ATP8B4: variants seen among roughly 807,000 people sequenced by gnomAD.
ATP8B4 encodes the protein probable phospholipid-transporting ATPase IM.
ATP8B4 carries 133 observed loss-of-function variants against 145.6 expected under a neutral mutation model. That is an observed-to-expected ratio of 0.91 (90% CI 0.79 to 1.05). The LOEUF is 1.05. Among genes scored for constraint, ATP8B4 ranks in the 50% least tolerant of loss-of-function variants. ATP8B4 has a pLI of 0.00. For missense variants in ATP8B4, 1,458 were observed against 1,425.2 expected, an observed-to-expected ratio of 1.02 and a Z score of -0.37; for synonymous variants, 507 against 492.9, an observed-to-expected ratio of 1.03 and a Z score of -0.38.
In ATP8B4 at chr15:50,047,453, G is replaced by C. The variant is rs773097840; in HGVS notation, c.99C>G (p.Ile33Met). ...TGAGAATATTATATTTCGATGTGTGGATACGATTATCCTGGAAAAGAAATA... is the reference window on the plus strand; with the variant it reads ...TGAGAATATTATATTTCGATGTGTGCATACGATTATCCTGGAAAAGAAATA... ...NEKFQYADNR[I>M]HTSKYNILTF... Residue 33 changes from isoleucine (I) to methionine (M), a missense_variant, in exon 4 of 28, where the codon ATC becomes ATG. Physicochemically the swap from Ile to Met is conservative, Grantham distance 10. Transcript: ENST00000284509. 1.7e-5 allele frequency: 26 copies of C among 1,561,368 alleles called. No homozygotes were observed. Among genetic ancestry groups the C allele is most frequent in the Non-Finnish European group, 2.3e-5 (26 of 1,132,266 alleles).
At chr15:50,097,760 C>G (rs910215976) in intron 2 of ATP8B4, among the ~76,000 whole-genome samples, 8 of 152,112 alleles carry the variant, frequency 5.3e-5, no homozygotes, top group African/African-American at 1.9e-4. Context: ...CTGGACAACA[C>G]TATTTTTGTA....
chr15:49,879,756 G>C (rs1382376396), intron 23 of ATP8B4: 3 of 223,048 alleles, frequency 1.3e-5, no homozygotes, highest in Non-Finnish European at 8.7e-6. Context: ...GGACACGTAT[G>C]AGCCCCTGAC....
intron 14 of ATP8B4, among the ~76,000 whole-genome samples, chr15:49,953,302 A>C (rs2043262728): frequency 6.6e-6 from 1 of 152,100 alleles, no homozygotes; most frequent in African/African-American, 2.4e-5. Context: ...CCTCAGAACA[A>C]CCAGGAGGAG....
intron 6 of ATP8B4, among the ~76,000 whole-genome samples, chr15:50,032,844 A>G (rs577523306): frequency 6.6e-6 from 1 of 152,306 alleles, no homozygotes; most frequent in East Asian, 1.9e-4. Flanking sequence ...AAATAGTAAC[A>G]ATAATTACTT....
chr15:50,002,390 C>T (rs191933275), intron 7 of ATP8B4, among the ~76,000 whole-genome samples, 167 bp from the exon 8 acceptor site: 1 of 152,230 alleles, frequency 6.6e-6, no homozygotes, highest in Non-Finnish European at 1.5e-5. Context: ...GAACCAAACC[C>T]TCCCTCTTCC....
In ATP8B4 at chr15:49,925,916, G is replaced by A. The variant is rs115514012; in HGVS notation, c.1643-2422C>T. ...TCTTAAATAAACTAAAAAGGACATA[G>A]TTTTAAATGGTCACGATAACATATG... is the stretch of plus-strand genomic sequence containing the variant. On this transcript the variant is annotated intron_variant, in intron 16 of 27. Transcript: ENST00000284509. Among the ~76,000 whole-genome samples the A allele has an allele frequency of 2.2e-3, 329 of 152,206 alleles. 2 individuals carry two copies. Among genetic ancestry groups the A allele is most frequent in the African/African-American group, 7.8e-3 (322 of 41,546 alleles).
At chr15:49,980,039 T>C (rs924180497) in intron 11 of ATP8B4, among the ~76,000 whole-genome samples, 1 of 152,180 alleles carries the variant, frequency 6.6e-6, no homozygotes, top group Non-Finnish European at 1.5e-5. Context: ...GGAACAGTCA[T>C]TATCCCCACT....
At chr15:49,901,062 A>T (rs370593921) in intron 21 of ATP8B4, 30 bp downstream of exon 21, 7 of 1,603,108 alleles carry the variant, frequency 4.4e-6, no homozygotes, top group Admixed American at 1.7e-5. Flanking sequence ...GTGAAGAAAA[A>T]GAAAGGACAA....
At chr15:50,106,091 A>T (rs542884139) in intron 2 of ATP8B4, among the ~76,000 whole-genome samples, 84 of 152,338 alleles carry the variant, frequency 5.5e-4, no homozygotes, top group African/African-American at 2.0e-3. Context: ...GTATCCAATA[A>T]GAGAATGAAG....
intron 3 of ATP8B4, 134 bp downstream of exon 3, chr15:50,073,993 T>C (rs932372052): frequency 6.4e-6 from 4 of 625,328 alleles, no homozygotes; most frequent in African/African-American, 1.8e-5. Context: ...TATGGAAATA[T>C]ATGTCACCTT....
At chr15:49,996,858 C>A in intron 8 of ATP8B4, 99 bp from the exon 9 acceptor site, 1 of 788,820 alleles carries the variant, frequency 1.3e-6, no homozygotes, top group East Asian at 2.7e-5. Flanking sequence ...AAGCCAAACC[C>A]AAGAGATCCA....
At chr15:49,868,855 T>C (rs1477397652) in intron 25 of ATP8B4, among the ~76,000 whole-genome samples, 5 of 152,176 alleles carry the variant, frequency 3.3e-5, no homozygotes, top group Admixed American at 1.3e-4. Flanking sequence ...ACTATGAAAA[T>C]AAAGAGAAAT....
Position 49,862,453 on chromosome 15 carries a change from C to A in ATP8B4, c.3167-78G>T, listed in dbSNP as rs553996512. The A allele has an allele frequency of 8.7e-5, 123 of 1,415,130 alleles. No homozygotes were observed. The South Asian group carries it at 1.4e-3, about 16-fold the overall frequency. The allele number at this position is 1,415,130 out of a possible 1,614,324, so 87.7% of individuals were successfully genotyped here. ...TTAATTAATAGGTTCTTTGTTCCTA[C>A]AAGATCTTTTTTTTTTTTGAGATGG... On this transcript the variant is annotated intron_variant, in intron 26 of 27. Coordinates refer to ENST00000284509, the MANE Select transcript of ATP8B4 (RefSeq NM_024837.4).
rs1474150060 is a variant in ATP8B4 at position 50,172,867 on chromosome 15, C to T, written c.-43+9394G>A. ...CTGGGAGGTGAGGAGCGTCTCTGAC[C>T]GGCCGCCCCGTCTGAGAAGTGAGGA... On this transcript the variant is annotated intron_variant, in intron 1 of 3. Transcript: ENST00000558829. Among the ~76,000 whole-genome samples, 4 of 151,136 alleles carry T rather than the reference C, an allele frequency of 2.6e-5. No individual in the cohort carries two copies. The East Asian group carries it at 6.0e-4, about 23-fold the overall frequency.
chr15:49,974,293 G>A (rs28756960), intron 12 of ATP8B4, among the ~76,000 whole-genome samples: 11,878 of 151,538 alleles, frequency 0.078, 515 homozygotes, highest in Middle Eastern at 0.095. Flanking sequence ...ACTACTACTC[G>A]AACTACTTGA....
At chr15:49,865,856 C>T (rs775538463) in intron 26 of ATP8B4, among the ~76,000 whole-genome samples, 1 of 152,200 alleles carries the variant, frequency 6.6e-6, no homozygotes, top group Non-Finnish European at 1.5e-5. Flanking sequence ...ACAAAGCCTA[C>T]TCCTCATGCC....
At chr15:50,178,573 G>C (rs1415542576) in intron 1 of ATP8B4, among the ~76,000 whole-genome samples, 1 of 152,078 alleles carries the variant, frequency 6.6e-6, no homozygotes, top group Non-Finnish European at 1.5e-5. Flanking sequence ...GTGTTGCCCA[G>C]TCCAGTCTTG....
intron 24 of ATP8B4, among the ~76,000 whole-genome samples, chr15:49,879,087 A>G (rs2034968545): frequency 6.6e-6 from 1 of 152,238 alleles, no homozygotes. Flanking sequence ...AAATGAAGTT[A>G]AAGAGATTAC....
At chr15:50,175,409 A>C (rs2044747323) in intron 1 of ATP8B4, among the ~76,000 whole-genome samples, 1 of 152,240 alleles carries the variant, frequency 6.6e-6, no homozygotes, top group African/African-American at 2.4e-5. Flanking sequence ...AAGGACTAAT[A>C]TCCAGAATCT....
Sources: allele counts gnomAD v4.1 joint callset (sites outside exome capture counted in the v4.1 genomes callset), GRCh38; gene constraint gnomAD v4.1.1; transcripts MANE v1.5; gene names NCBI Gene and HGNC (gene_info 2026-07-23, HGNC 2026-07-21).